Variants in CUX1 observed in about 807,000 individuals in gnomAD.
The protein encoded by CUX1 is cut like homeobox 1, also known as protein CASP.
CUX1 carries 31 observed loss-of-function variants against 158.8 expected under a neutral mutation model. The ratio of observed to expected loss-of-function variants is 0.20; its 90% CI spans 0.15 to 0.26. The LOEUF is 0.26. CUX1 is among the 10% of genes least tolerant of loss of function. CUX1 has a pLI of 1.00. For synonymous variants in CUX1, 879 were observed against 862.1 expected (o/e 1.02, Z -0.34); for missense variants, 1,589 against 2,014.6 (o/e 0.79, Z 4.04).
intron 2 of CUX1, among the ~76,000 whole-genome samples, chr7:102,011,276 G>A (rs535551993): frequency 7.2e-5 from 11 of 152,054 alleles, no homozygotes; most frequent in African/African-American, 2.2e-4. Flanking sequence ...CACTGAGAGC[G>A]CAGTGGGCGT....
chr7:102,083,289 T>C (rs1482920283), intron 4 of CUX1, among the ~76,000 whole-genome samples: 1 of 147,260 alleles, frequency 6.8e-6, no homozygotes, highest in Non-Finnish European at 1.5e-5. Flanking sequence ...GATTTTTATT[T>C]ATAAAGGTTT....
rs529416274 is a variant in CUX1 at position 102,239,740 on chromosome 7, T to C, written c.3887+156T>C. Among the ~76,000 whole-genome samples the C allele has an allele frequency of 8.1e-5, 8 of 98,894 alleles. 1 individual carries two copies. The highest frequency in any genetic ancestry group is 2.0e-4 in the African/African-American group (7 of 35,156). 64.9% of individuals were successfully genotyped at this position (98,894 alleles called of 152,430 possible). On this transcript the variant is annotated intron_variant, in intron 23 of 23. Coordinates refer to ENST00000292535, the MANE Select transcript of CUX1 (RefSeq NM_181552.4). ...GTTCCTTGGTCCCTTAGGGTTTTTT[T>C]TTTCTTTTCTTTTCTTTTCTTTTGA... is the stretch of plus-strand genomic sequence containing the variant.
chr7:102,197,592 G>T (rs577673060), intron 15 of CUX1, among the ~76,000 whole-genome samples: 7 of 152,260 alleles, frequency 4.6e-5, no homozygotes, highest in African/African-American at 1.4e-4. Context: ...TGCATTACAT[G>T]ATGTATAGCG....
chr7:101,913,887 G>A (rs544602960), intron 1 of CUX1, among the ~76,000 whole-genome samples: 5 of 151,752 alleles, frequency 3.3e-5, no homozygotes, highest in South Asian at 2.1e-4. Flanking sequence ...TTTCTTCCCC[G>A]CCTTCTTTCG....
At chr7:102,138,046 A>T (rs1429977250) in intron 8 of CUX1, among the ~76,000 whole-genome samples, 1 of 152,012 alleles carries the variant, frequency 6.6e-6, no homozygotes, top group Non-Finnish European at 1.5e-5. Context: ...TTAGCTGGGC[A>T]TGGTGGTGCT....
intron 1 of CUX1, among the ~76,000 whole-genome samples, chr7:101,873,919 G>C (rs1257140341): frequency 6.6e-6 from 1 of 152,192 alleles, no homozygotes; most frequent in Non-Finnish European, 1.5e-5. Flanking sequence ...ATAGGTACTT[G>C]CCTCTGTTTC....
In CUX1 at chr7:102,215,229, C is replaced by CT. The variant is rs547506149; in HGVS notation, c.3130+10088dup. Among the ~76,000 whole-genome samples, 473 of 92,766 alleles carry CT rather than the reference C, an allele frequency of 5.1e-3. 9 individuals carry two copies. Among genetic ancestry groups the CT allele is most frequent in the African/African-American group, 0.017 (402 of 23,434 alleles). 60.9% of individuals were successfully genotyped at this position (92,766 alleles called of 152,430 possible). ...AAGAGCATGGCAATGGTTACTCCAA[C>CT]TTTTTTTTTTTTTTTTTTTTTTTTT... On this transcript the variant is annotated intron_variant, in intron 20 of 23. Transcript: ENST00000292535.
chr7:101,889,459 C>T (rs1268837766), intron 1 of CUX1, among the ~76,000 whole-genome samples: 4 of 152,110 alleles, frequency 2.6e-5, no homozygotes, highest in South Asian at 4.1e-4. Context: ...AAAAGTAAAC[C>T]GATTTTTCTC....
At chr7:101,852,312 A>G (rs957010008) in intron 1 of CUX1, among the ~76,000 whole-genome samples, 2 of 151,984 alleles carry the variant, frequency 1.3e-5, no homozygotes, top group Admixed American at 6.6e-5. Flanking sequence ...GGCTACATTC[A>G]TCACAGTTTT....
intron 2 of CUX1, among the ~76,000 whole-genome samples, chr7:101,985,427 C>T (rs1474191664): frequency 2.6e-5 from 4 of 152,166 alleles, no homozygotes; most frequent in South Asian, 2.1e-4. Flanking sequence ...GTTCTGTCCA[C>T]GATCATGGTG....
chr7:101,829,897 C>G (rs1053496635), intron 1 of CUX1, among the ~76,000 whole-genome samples: 1 of 148,032 alleles, frequency 6.8e-6, no homozygotes, highest in Non-Finnish European at 1.5e-5. Context: ...ACTCACTATC[C>G]TCAGATGCCC....
intron 1 of CUX1, among the ~76,000 whole-genome samples, chr7:101,848,678 G>A (rs1795956084): frequency 6.6e-6 from 1 of 151,960 alleles, no homozygotes; most frequent in Non-Finnish European, 1.5e-5. Context: ...ATAAGGATCA[G>A]AAAAATTTCT....
intron 8 of CUX1, among the ~76,000 whole-genome samples, chr7:102,119,655 G>C (rs1831827110): frequency 6.6e-6 from 1 of 152,168 alleles, no homozygotes; most frequent in Admixed American, 6.5e-5. Context: ...GGATTGCAAG[G>C]TTTCCGATTA....
chr7:101,816,316 C>G (rs1426381877), upstream of CUX1, among the ~76,000 whole-genome samples: 1 of 145,066 alleles, frequency 6.9e-6, no homozygotes, highest in African/African-American at 2.5e-5. Flanking sequence ...TTGTTCAATT[C>G]ATCGATCAGC....
intron 9 of CUX1, among the ~76,000 whole-genome samples, chr7:102,162,786 G>T (rs1358647890): frequency 6.6e-6 from 1 of 152,112 alleles, no homozygotes; most frequent in East Asian, 1.9e-4. Context: ...AAAGTTCTGG[G>T]GTTACAGGCA....
intron 8 of CUX1, among the ~76,000 whole-genome samples, chr7:102,131,860 T>G (rs1270477864): frequency 1.3e-5 from 2 of 151,776 alleles, no homozygotes; most frequent in African/African-American, 4.8e-5. Flanking sequence ...TTAGTAAAGA[T>G]GGGGTTTCAC....
chr7:102,111,581 G>T (rs1443184427), intron 6 of CUX1, 117 bp from the exon 7 acceptor site: 1 of 880,796 alleles, frequency 1.1e-6, no homozygotes, highest in African/African-American at 1.6e-5. Flanking sequence ...GCGATACCCC[G>T]TGGTGCGCCT....
chr7:102,108,736 T>TTTTGTGTGTGTGTG (rs10529873), intron 6 of CUX1, among the ~76,000 whole-genome samples: 62 of 145,062 alleles, frequency 4.3e-4, no homozygotes, highest in African/African-American at 1.6e-3. Flanking sequence ...TTCATTCATT[T>TTTTGTGTGTGTGTG]TGTGTGTGTG....
At chr7:102,266,108 G>A (rs1554544999) in intron 14 of CUX1, among the ~76,000 whole-genome samples, 1 of 151,632 alleles carries the variant, frequency 6.6e-6, no homozygotes. Flanking sequence ...GGAGGCTGAG[G>A]CAGGAGAATC....
Sources: allele counts gnomAD v4.1 joint callset (sites outside exome capture counted in the v4.1 genomes callset), GRCh38; gene constraint gnomAD v4.1.1; transcripts MANE v1.5; gene names NCBI Gene and HGNC (gene_info 2026-07-23, HGNC 2026-07-21).